The following SENP7 variants were observed in gnomAD, a reference collection of about 807,000 sequenced individuals.
SENP7 encodes SUMO specific peptidase 7.
SENP7 carries 64 observed loss-of-function variants against 141.2 expected under a neutral mutation model. The ratio of observed to expected loss-of-function variants is 0.45; its 90% CI spans 0.37 to 0.56. The LOEUF (loss-of-function observed/expected upper bound fraction) is 0.56. Ranked by LOEUF, SENP7 falls within the 20% of genes least tolerant of loss-of-function variation. SENP7 has a pLI of 0.00. For synonymous variants in SENP7, 382 were observed against 426.4 expected, an observed-to-expected ratio of 0.90 and a Z score of 1.28; for missense variants, 1,025 against 1,212.2, an observed-to-expected ratio of 0.85 and a Z score of 2.29.
intron 3 of SENP7, among the ~76,000 whole-genome samples, chr3:101,465,190 C>T (rs1161565548): frequency 6.6e-6 from 1 of 152,132 alleles, no homozygotes; most frequent in Non-Finnish European, 1.5e-5. Context: ...ACCATCAGCA[C>T]CTGTGCACAT....
chr3:101,332,052 T>G lies in SENP7; in HGVS notation c.2631A>C (p.Glu877Asp). 1.2e-6 allele frequency: 2 copies of G among 1,613,518 alleles called. No homozygotes were observed. The highest frequency in any genetic ancestry group is 8.5e-7 in the Non-Finnish European group (1 of 1,179,656). ...GCTGGGATACAGTTTGTGGAAAATC[T>G]TCATACACAGCTTCTTCTAACCATG... ...CFPWLEEAVY[E>D]DFPQTVSQQS... The change falls in exon 19 of 24, where the codon GAA (glutamate) becomes GAC (aspartate). Residue 877 changes from glutamate (E) to aspartate (D), a missense_variant. Glu to Asp is a conservative substitution (Grantham distance 45). This residue lies in a region of SENP7 where 295 missense variants were observed against 459.1 expected (regional missense o/e 0.64). Coordinates refer to ENST00000394095, the MANE Select transcript of SENP7 (RefSeq NM_020654.5).
chr3:101,392,507 G>A (rs973309790), intron 6 of SENP7, among the ~76,000 whole-genome samples: 2 of 151,988 alleles, frequency 1.3e-5, no homozygotes, highest in South Asian at 4.1e-4. Flanking sequence ...TCTCTAAATT[G>A]GAAATTACAA....
intron 4 of SENP7, among the ~76,000 whole-genome samples, chr3:101,435,249 T>TA (rs2062340387): frequency 6.6e-6 from 1 of 151,684 alleles, no homozygotes; most frequent in East Asian, 1.9e-4. Context: ...AAACTGAGAA[T>TA]AAAAGGAACA....
At chr3:101,499,752 G>T (rs983023263) in intron 2 of SENP7, among the ~76,000 whole-genome samples, 3 of 151,858 alleles carry the variant, frequency 2.0e-5, no homozygotes, top group Non-Finnish European at 4.4e-5. Flanking sequence ...AACCAGGATG[G>T]TCTCGATCTC....
chr3:101,416,354 T>C (rs575787134), intron 5 of SENP7, among the ~76,000 whole-genome samples: 3 of 152,310 alleles, frequency 2.0e-5, no homozygotes, highest in African/African-American at 4.8e-5. Context: ...ACTGTTCTGA[T>C]TGGAAAAAGG....
chr3:101,414,582 C>G lies in SENP7; in HGVS notation c.482+3011G>C, dbSNP rs144510279. Reference sequence around the variant, plus strand: ...GTGTGGATGACCACATGCACCTCATCCCAACTATGACCAAGAAGATGAAGG... The same window carrying G: ...GTGTGGATGACCACATGCACCTCATGCCAACTATGACCAAGAAGATGAAGG... On this transcript the variant is annotated intron_variant, in intron 5 of 23. Coordinates refer to ENST00000394095, the MANE Select transcript of SENP7 (RefSeq NM_020654.5). The G allele has an allele frequency of 2.5e-6, 4 of 1,605,282 alleles. No homozygotes were observed. The East Asian group carries it at 6.7e-5, about 27-fold the overall frequency.
intron 3 of SENP7, among the ~76,000 whole-genome samples, chr3:101,468,499 T>C (rs971715157): frequency 2.0e-5 from 3 of 152,188 alleles, no homozygotes; most frequent in Non-Finnish European, 4.4e-5. Flanking sequence ...ATCAAACTAA[T>C]GGTGGATCTC....
chr3:101,361,680 C>T, intron 11 of SENP7, 35 bp downstream of exon 11: 1 of 1,492,052 alleles, frequency 6.7e-7, no homozygotes, highest in East Asian at 2.4e-5. Context: ...TGTCCAAGAT[C>T]CAAACTAAAA....
At chr3:101,355,451 C>T (rs1016319484) in intron 11 of SENP7, among the ~76,000 whole-genome samples, 3 of 152,136 alleles carry the variant, frequency 2.0e-5, no homozygotes, top group South Asian at 2.1e-4. Context: ...ATCTTAGCAC[C>T]GTTTATTGAA....
intron 7 of SENP7, among the ~76,000 whole-genome samples, chr3:101,369,768 C>T (rs2060129217): frequency 6.6e-6 from 1 of 152,030 alleles, no homozygotes; most frequent in Non-Finnish European, 1.5e-5. Context: ...ATCAGTCAAG[C>T]CTGTCTCATG....
intron 4 of SENP7, among the ~76,000 whole-genome samples, chr3:101,419,493 A>T (rs2061723231): frequency 6.6e-6 from 1 of 152,218 alleles, no homozygotes; most frequent in African/African-American, 2.4e-5. Context: ...GAGGTAGTTT[A>T]GAAGAATGGT....
intron 7 of SENP7, among the ~76,000 whole-genome samples, chr3:101,369,665 TTA>T (rs2060126861): frequency 6.6e-6 from 1 of 152,154 alleles, no homozygotes; most frequent in Non-Finnish European, 1.5e-5. Context: ...AACATAAATA[TTA>T]TACTACAGTA....
At chr3:101,440,598 G>C (rs1461958858) in intron 4 of SENP7, among the ~76,000 whole-genome samples, 1 of 112,116 alleles carries the variant, frequency 8.9e-6, no homozygotes, top group Non-Finnish European at 1.8e-5. Flanking sequence ...AAAAAAAAAA[G>C]AATGAGTATC....
intron 4 of SENP7, among the ~76,000 whole-genome samples, chr3:101,441,404 G>C (rs1356010394): frequency 6.6e-6 from 1 of 152,008 alleles, no homozygotes; most frequent in Non-Finnish European, 1.5e-5. Context: ...AGAAAGAACA[G>C]GCCCACCCAA....
At chr3:101,339,481 G>T (rs888792939) in intron 16 of SENP7, among the ~76,000 whole-genome samples, 2 of 152,162 alleles carry the variant, frequency 1.3e-5, no homozygotes, top group Non-Finnish European at 2.9e-5. Context: ...AACTCTTAGG[G>T]AGGCCAAGGA....
At chr3:101,351,180 T>C (rs2059603512) in intron 12 of SENP7, among the ~76,000 whole-genome samples, 1 of 152,084 alleles carries the variant, frequency 6.6e-6, no homozygotes, top group East Asian at 1.9e-4. Context: ...GAGAAAATGG[T>C]GTGAGTCTCT....
intron 3 of SENP7, among the ~76,000 whole-genome samples, chr3:101,463,416 T>TATATATACATATATATATATATATAC (rs1175438899): frequency 8.6e-6 from 1 of 116,506 alleles, no homozygotes; most frequent in Non-Finnish European, 1.7e-5. Context: ...TATATATATA[T>TATATATACATATATATATATATATAC]ACACACACAT....
At chr3:101,503,754 T>C (rs543874506) in intron 1 of SENP7, among the ~76,000 whole-genome samples, 2 of 152,196 alleles carry the variant, frequency 1.3e-5, no homozygotes, top group African/African-American at 4.8e-5. Flanking sequence ...GAGAACAGCC[T>C]GGGCAAAAGG....
rs201608850 is a variant in SENP7, at chr3:101,347,956, G to C, written c.1753C>G (p.His585Asp). Residue 585 changes from histidine to aspartate, a missense_variant, in exon 13 of 24, where the codon CAT becomes GAT. Around this residue, in one of 4 missense-constraint regions of SENP7, gnomAD observed 228 missense variants for 228.5 expected, o/e 1.00. Coordinates refer to ENST00000394095, the MANE Select transcript of SENP7 (RefSeq NM_020654.5). ...SKDDNHSKRS[H>D]AILFFWVSSD... ...GAGACCCAGAAGAAAAGAATAGCAT[G>C]ACTCCTTTTACTGTGATTATCATCC... is the stretch of plus-strand genomic sequence containing the variant. The C allele has an allele frequency of 6.2e-6, 10 of 1,609,446 alleles. No individual in the cohort carries two copies. The Admixed American group carries it at 1.3e-4, about 21-fold the overall frequency.
Sources: allele counts gnomAD v4.1 joint callset (sites outside exome capture counted in the v4.1 genomes callset), GRCh38; gene constraint gnomAD v4.1.1; regional missense constraint gnomAD v4.1.1; transcripts MANE v1.5; gene names NCBI Gene and HGNC (gene_info 2026-07-23, HGNC 2026-07-21).